Variants in CDK7 observed in about 807,000 individuals in gnomAD.
The protein encoded by CDK7 is cyclin-dependent kinase 7.
CDK7 carries 25 observed loss-of-function variants against 49.1 expected under a neutral mutation model. The observed-to-expected ratio is 0.51, with a 90% CI of 0.37 to 0.71. The LOEUF is 0.71. Ranked by LOEUF, CDK7 falls within the 30% of genes least tolerant of loss-of-function variation. The probability of loss-of-function intolerance (pLI) is 0.00; values close to 1 mark genes in which losing one functional copy is unlikely to be tolerated. For synonymous variants in CDK7, 107 were observed against 140.0 expected, an observed-to-expected ratio of 0.76 and a Z score of 1.67; for missense variants, 316 against 411.7, an observed-to-expected ratio of 0.77 and a Z score of 2.01.
chr5:69,234,845 G>A (rs1186303632), upstream of CDK7: 1 of 895,522 alleles, frequency 1.1e-6, no homozygotes, highest in African/African-American at 1.7e-5. Context: ...CACCACGGAA[G>A]TGAGGCGGGG....
intron 6 of CDK7, among the ~76,000 whole-genome samples, chr5:69,258,563 T>C (rs185896849): frequency 6.6e-6 from 1 of 152,040 alleles, no homozygotes; most frequent in Admixed American, 6.6e-5. Context: ...TGTATTTTTT[T>C]AGTAGAGACG....
intron 3 of CDK7, 72 bp from the exon 4 acceptor site, chr5:69,254,521 CAAAAAAAAA>C: frequency 8.4e-6 from 4 of 477,226 alleles, no homozygotes; most frequent in Non-Finnish European, 1.5e-5. Flanking sequence ...GACTCCATCT[CAAAAAAAAA>C]AAAAAAAAAG....
intron 2 of CDK7, among the ~76,000 whole-genome samples, chr5:69,240,622 A>G (rs887597051): frequency 6.6e-6 from 1 of 152,158 alleles, no homozygotes; most frequent in Non-Finnish European, 1.5e-5. Context: ...TTTAAAATCA[A>G]CTGTTCTTAG....
chr5:69,268,118 G>A (rs1437397531), intron 8 of CDK7, among the ~76,000 whole-genome samples: 4 of 152,088 alleles, frequency 2.6e-5, no homozygotes, highest in African/African-American at 9.7e-5. Context: ...GCACCACCAC[G>A]CCTGGCTGAT....
intron 5 of CDK7, among the ~76,000 whole-genome samples, chr5:69,257,523 G>T (rs890675448): frequency 1.3e-5 from 2 of 152,176 alleles, no homozygotes; most frequent in African/African-American, 4.8e-5. Context: ...GTATATGTTT[G>T]TAGAGTTTAA....
At chr5:69,275,901 A>G (rs1235102032) in intron 10 of CDK7, among the ~76,000 whole-genome samples, 1 of 152,220 alleles carries the variant, frequency 6.6e-6, no homozygotes, top group African/African-American at 2.4e-5. Flanking sequence ...TCCATCCCCA[A>G]GGTACGTCAT....
chr5:69,254,375 A>T (rs564642853), intron 3 of CDK7, among the ~76,000 whole-genome samples: 1 of 152,082 alleles, frequency 6.6e-6, no homozygotes, highest in African/African-American at 2.4e-5. Flanking sequence ...TACAAAAATT[A>T]GCCGGGCGTG....
intron 8 of CDK7, among the ~76,000 whole-genome samples, chr5:69,264,440 G>A (rs905481800): frequency 5.3e-5 from 8 of 152,150 alleles, no homozygotes; most frequent in Non-Finnish European, 1.0e-4. Context: ...AGCTACGTGC[G>A]AGGCTGAGGC....
At chr5:69,242,924 A>T (rs1331481160) in intron 2 of CDK7, among the ~76,000 whole-genome samples, 3 of 152,152 alleles carry the variant, frequency 2.0e-5, no homozygotes, top group African/African-American at 7.2e-5. Flanking sequence ...GCATGCCTGT[A>T]ATTCCAGCTA....
rs976992323 is a variant in CDK7, at chr5:69,269,278, T to C, written c.699T>C (p.Thr233=). The C allele has an allele frequency of 6.2e-7, 1 of 1,609,888 alleles. No homozygotes were observed. Reference sequence around the variant, plus strand: ...TATTTGAAACTTTGGGCACACCAACTGAGGAACAGTGGCCGGTAAGCCTTT... The same window carrying C: ...TATTTGAAACTTTGGGCACACCAACCGAGGAACAGTGGCCGGTAAGCCTTT... The part of the protein sequence containing the change: ...TRIFETLGTP[T]EEQWPDMCSL... Residue 233 remains threonine (T), a synonymous_variant, in exon 9 of 12, where the codon ACT becomes ACC. Transcript: ENST00000256443.
At chr5:69,267,946 T>G (rs935522085) in intron 8 of CDK7, among the ~76,000 whole-genome samples, 1 of 152,174 alleles carries the variant, frequency 6.6e-6, no homozygotes, top group African/African-American at 2.4e-5. Context: ...TAATATTATT[T>G]AATATCCTTT....
chr5:69,267,887 A>T (rs1751267365), intron 8 of CDK7, among the ~76,000 whole-genome samples: 1 of 152,240 alleles, frequency 6.6e-6, no homozygotes, highest in East Asian at 1.9e-4. Flanking sequence ...AAAACAAAAG[A>T]TAATCCTTTT....
chr5:69,238,644 ATTC>A (rs1180224101), intron 2 of CDK7, among the ~76,000 whole-genome samples: 1 of 149,090 alleles, frequency 6.7e-6, no homozygotes, highest in South Asian at 2.1e-4. Flanking sequence ...GCAACTTGTT[ATTC>A]TTTTTTTTTT....
intron 8 of CDK7, among the ~76,000 whole-genome samples, chr5:69,265,574 T>C (rs1751099564): frequency 6.6e-6 from 1 of 152,188 alleles, no homozygotes; most frequent in South Asian, 2.1e-4. Context: ...CTGTTCATAT[T>C]TTCAGTTTGC....
chr5:69,235,073 C>G (rs1561338255), intron 1 of CDK7, 32 bp downstream of exon 1: 1 of 1,572,276 alleles, frequency 6.4e-7, no homozygotes, highest in Non-Finnish European at 8.7e-7. Context: ...GGGAGGGCCC[C>G]AAGCGGACAG....
intron 2 of CDK7, among the ~76,000 whole-genome samples, chr5:69,250,361 G>T (rs1750059198): frequency 6.6e-6 from 1 of 152,128 alleles, no homozygotes; most frequent in Non-Finnish European, 1.5e-5. Flanking sequence ...GGTGGTCTTG[G>T]ATAAGGTCCA....
intron 2 of CDK7, among the ~76,000 whole-genome samples, chr5:69,241,593 G>A (rs999119288): frequency 6.6e-6 from 1 of 151,982 alleles, no homozygotes; most frequent in Non-Finnish European, 1.5e-5. Context: ...CAAAGTGCTG[G>A]GATTACAGAC....
At chr5:69,242,136 T>G (rs1441565524) in intron 2 of CDK7, among the ~76,000 whole-genome samples, 1 of 152,246 alleles carries the variant, frequency 6.6e-6, no homozygotes, top group Non-Finnish European at 1.5e-5. Flanking sequence ...TATCCAATTT[T>G]CCCAGCACCA....
At chr5:69,271,179 A>G (rs1252897957) in intron 9 of CDK7, among the ~76,000 whole-genome samples, 1 of 152,134 alleles carries the variant, frequency 6.6e-6, no homozygotes, top group Non-Finnish European at 1.5e-5. Flanking sequence ...GTGTCATGAT[A>G]GCTCATTTTG....
Sources: gnomAD v4.1 joint callset for allele counts (sites outside exome capture counted in the v4.1 genomes callset) on GRCh38, gnomAD v4.1.1 for gene constraint, MANE v1.5 for transcripts, NCBI Gene and HGNC (gene_info 2026-07-23, HGNC 2026-07-21) for gene names.